The following CPNE4 variants were observed in gnomAD, a reference collection of about 807,000 sequenced individuals.
CPNE4 encodes the protein copine 4.
Under a neutral mutation model 67.9 loss-of-function variants are expected in CPNE4, and 25 were observed. The ratio of observed to expected loss-of-function variants is 0.37; its 90% CI spans 0.27 to 0.51. The LOEUF is 0.51. Ranked by LOEUF, CPNE4 falls within the 20% of genes least tolerant of loss-of-function variation. The pLI, the probability that CPNE4 is intolerant of heterozygous loss-of-function variation, is 0.93. For synonymous variants in CPNE4, 242 were observed against 244.9 expected, an observed-to-expected ratio of 0.99 and a Z score of 0.11; for missense variants, 464 against 690.8, an observed-to-expected ratio of 0.67 and a Z score of 3.68.
At position 131,635,847 on chromosome 3, in the gene CPNE4, C is replaced by T. The variant is rs564789625; in HGVS notation, c.681+33828G>A. 4.8e-5 allele frequency among the ~76,000 whole-genome samples: 4 copies of T among 83,702 alleles called. No individual in the cohort carries two copies. The East Asian group carries it at 9.7e-4, about 20-fold the overall frequency. 54.9% of individuals were successfully genotyped at this position (83,702 alleles called of 152,430 possible). ...AACTACTGCAGGCACTTTGGGAGGC[C>T]GAGGCGGGCGGATCACGAGGTCAGG... On this transcript the variant is annotated intron_variant, in intron 7 of 15. Transcript: ENST00000429747.
At chr3:131,565,813 G>T (rs1195917604) in intron 10 of CPNE4, among the ~76,000 whole-genome samples, 1 of 126,406 alleles carries the variant, frequency 7.9e-6, no homozygotes, top group Non-Finnish European at 1.6e-5. Context: ...AGTACTAAGA[G>T]TATGTAAAAA....
At chr3:131,586,596 T>TA (rs566083714) in intron 8 of CPNE4, among the ~76,000 whole-genome samples, 36 of 152,248 alleles carry the variant, frequency 2.4e-4, no homozygotes, top group Admixed American at 1.4e-3. Context: ...TGGGCATGGA[T>TA]AAAACAGGCT....
intron 1 of CPNE4, among the ~76,000 whole-genome samples, chr3:131,918,976 G>C (rs961754005): frequency 6.6e-6 from 1 of 152,122 alleles, no homozygotes; most frequent in African/African-American, 2.4e-5. Flanking sequence ...GTTGTAGGGA[G>C]CCGAAGTGAG....
chr3:131,898,437 T>A (rs1369968092), intron 2 of CPNE4, among the ~76,000 whole-genome samples: 1 of 152,124 alleles, frequency 6.6e-6, no homozygotes, highest in Non-Finnish European at 1.5e-5. Context: ...GGAAGCCAGA[T>A]GTTATTCCTC....
At chr3:132,022,490 G>A (rs1420813247) in intron 1 of CPNE4, among the ~76,000 whole-genome samples, 5 of 151,978 alleles carry the variant, frequency 3.3e-5, no homozygotes, top group African/African-American at 4.8e-5. Flanking sequence ...ACAACTTGCC[G>A]TACAATCACT....
intron 15 of CPNE4, among the ~76,000 whole-genome samples, chr3:131,537,377 G>T (rs1191103286): frequency 6.8e-6 from 1 of 147,834 alleles, no homozygotes. Flanking sequence ...TCCGCTTCCC[G>T]GATTCAAGCA....
At chr3:131,945,452 C>T (rs539758633) in intron 1 of CPNE4, among the ~76,000 whole-genome samples, 12 of 152,284 alleles carry the variant, frequency 7.9e-5, no homozygotes, top group Admixed American at 3.9e-4. Flanking sequence ...TGCTCTCAGC[C>T]AATGACAGAA....
intron 1 of CPNE4, among the ~76,000 whole-genome samples, chr3:131,943,720 A>G (rs1386422160): frequency 6.6e-6 from 1 of 152,114 alleles, no homozygotes; most frequent in African/African-American, 2.4e-5. Context: ...TTCTAAAAAC[A>G]CTAACATGAC....
intron 2 of CPNE4, among the ~76,000 whole-genome samples, chr3:131,812,652 T>C (rs1046922888): frequency 6.6e-6 from 1 of 152,176 alleles, no homozygotes; most frequent in Non-Finnish European, 1.5e-5. Context: ...TCATAACACA[T>C]ATTGAGCATT....
chr3:131,645,800 C>A (rs1011057558), intron 7 of CPNE4, among the ~76,000 whole-genome samples: 1 of 152,218 alleles, frequency 6.6e-6, no homozygotes. Context: ...AAAAAGGTAA[C>A]TGAGAAGTGG....
At chr3:131,997,625 C>G (rs1489415832) in intron 1 of CPNE4, among the ~76,000 whole-genome samples, 3 of 152,096 alleles carry the variant, frequency 2.0e-5, no homozygotes, top group Non-Finnish European at 4.4e-5. Flanking sequence ...AACTAATGTA[C>G]AGCCTCATAT....
At chr3:131,910,738 C>T (rs1430567280) in intron 1 of CPNE4, among the ~76,000 whole-genome samples, 1 of 152,154 alleles carries the variant, frequency 6.6e-6, no homozygotes, top group East Asian at 1.9e-4. Context: ...TCAGTCAACA[C>T]TTGGAAGTCC....
intron 2 of CPNE4, among the ~76,000 whole-genome samples, chr3:131,808,842 A>G (rs74775493): frequency 0.025 from 3,842 of 152,264 alleles, 66 homozygotes; most frequent in Non-Finnish European, 0.035. Context: ...AGAAGAATTT[A>G]TTGTATTGAA....
rs142596165 is a variant in CPNE4 at position 131,729,583 on chromosome 3, A to G, written c.181-5958T>C. 3.9e-3 allele frequency among the ~76,000 whole-genome samples: 594 copies of G among 152,320 alleles called. 6 individuals are homozygous for G. The highest frequency in any genetic ancestry group is 0.014 in the African/African-American group (576 of 41,574). Reference sequence around the variant, plus strand: ...TCTCAAAATCACTCAACAGAGAGAGATAGGTTGGTGCTGATGAGACATGGT... The same window carrying G: ...TCTCAAAATCACTCAACAGAGAGAGGTAGGTTGGTGCTGATGAGACATGGT... On this transcript the variant is annotated intron_variant, in intron 2 of 15. Transcript: ENST00000429747.
At chr3:131,794,051 AATGTATGCAT>A (rs1184243751) in intron 2 of CPNE4, among the ~76,000 whole-genome samples, 1 of 152,236 alleles carries the variant, frequency 6.6e-6, no homozygotes, top group Non-Finnish European at 1.5e-5. Context: ...TGACTGTAAG[AATGTATGCAT>A]ATGTATGCAG....
Position 131,966,352 on chromosome 3 carries a change from A to C in CPNE4, c.-1-60908T>G, listed in dbSNP as rs751970714. Among the ~76,000 whole-genome samples, 2 of 152,188 alleles carry C rather than the reference A, an allele frequency of 1.3e-5. 1 individual carries two copies. The highest frequency in any genetic ancestry group is 2.9e-5 in the Non-Finnish European group (2 of 68,040). On this transcript the variant is annotated intron_variant, in intron 1 of 15. Transcript: ENST00000429747. ...GCAAACAAATTCAAAAGCTAGCAGA[A>C]GACAAGAAATAACCAAGACAGAGCA...
chr3:131,605,708 G>A, intron 7 of CPNE4, among the ~76,000 whole-genome samples: 1 of 152,078 alleles, frequency 6.6e-6, no homozygotes, highest in South Asian at 2.1e-4. Flanking sequence ...ACACTGGAAA[G>A]ATTATAAAGA....
chr3:131,880,403 C>A (rs917449975), intron 2 of CPNE4, among the ~76,000 whole-genome samples: 16 of 152,136 alleles, frequency 1.1e-4, no homozygotes, highest in Admixed American at 2.6e-4. Context: ...CGTGAGCCAC[C>A]ACCCCCGGCG....
intron 2 of CPNE4, among the ~76,000 whole-genome samples, chr3:131,861,132 G>A (rs1424009864): frequency 1.3e-5 from 2 of 152,170 alleles, no homozygotes; most frequent in Non-Finnish European, 2.9e-5. Context: ...CATATTTGGA[G>A]TCAGTAGTGA....
Sources: gnomAD v4.1 joint callset for allele counts (sites outside exome capture counted in the v4.1 genomes callset) on GRCh38, gnomAD v4.1.1 for gene constraint, MANE v1.5 for transcripts, NCBI Gene and HGNC (gene_info 2026-07-23, HGNC 2026-07-21) for gene names.